ADCY5: variants seen among roughly 807,000 people sequenced by gnomAD.
ADCY5 encodes the protein adenylate cyclase type 5.
Under a neutral mutation model 119.7 loss-of-function variants are expected in ADCY5, and 30 were observed. The ratio of observed to expected loss-of-function variants is 0.25; its 90% CI spans 0.19 to 0.34. ADCY5 has a LOEUF of 0.34. ADCY5 is among the 10% of genes least tolerant of loss of function. The pLI is 1.00. For synonymous variants in ADCY5, 753 were observed against 762.2 expected, an observed-to-expected ratio of 0.99 and a Z score of 0.20; for missense variants, 1,324 against 1,775.2, an observed-to-expected ratio of 0.75 and a Z score of 4.57.
Position 123,319,796 on chromosome 3 carries a change from G to A in ADCY5, c.2134C>T (p.Pro712Ser), listed in dbSNP as rs776259193. The A allele has an allele frequency of 8.7e-6, 14 of 1,614,068 alleles. No individual in the cohort carries two copies. Among genetic ancestry groups the A allele is most frequent in the Non-Finnish European group, 1.1e-5 (13 of 1,180,024 alleles). The stretch of plus-strand genomic sequence containing the variant: ...AGAAACTCATCCACTTCATCCTCAG[G>A]GTTCGCACTCTCCTGGGCGTTCCTG... ...KDKNAQESAN[P>S]EDEVDEFLGR... Residue 712 changes from proline (P) to serine (S), a missense_variant, in exon 10 of 21, where the codon CCT becomes TCT. By Grantham distance (74) the Pro-to-Ser change is moderately conservative (BLOSUM62 -1). Coordinates refer to ENST00000462833, the MANE Select transcript of ADCY5 (RefSeq NM_183357.3).
At chr3:123,320,805 G>C (rs1941180750) in intron 8 of ADCY5, 34 bp from the exon 9 acceptor site, 1 of 1,518,646 alleles carries the variant, frequency 6.6e-7, no homozygotes, top group Non-Finnish European at 9.1e-7. Flanking sequence ...AAAGAGAAGA[G>C]AATGAGAACA....
intron 12 of ADCY5, among the ~76,000 whole-genome samples, chr3:123,309,222 G>C (rs1169076314): frequency 6.6e-6 from 1 of 152,188 alleles, no homozygotes; most frequent in East Asian, 1.9e-4. Flanking sequence ...AAAAGGAGGG[G>C]ATGAAATTGG....
chr3:123,411,047 T>C (rs1945031777), intron 1 of ADCY5, among the ~76,000 whole-genome samples: 1 of 152,166 alleles, frequency 6.6e-6, no homozygotes, highest in East Asian at 1.9e-4. Context: ...GCAGCAGCTA[T>C]ACCAAATCAC....
chr3:123,416,050 GT>G (rs896813379), intron 1 of ADCY5: 4 of 941,298 alleles, frequency 4.2e-6, no homozygotes, highest in Non-Finnish European at 6.1e-6. Context: ...CCAAGATAAA[GT>G]TCCCACCTAG....
chr3:123,309,041 A>G lies in ADCY5; in HGVS notation c.2443-4858T>C, dbSNP rs75731635. ...TAAGTTCAGAACTAGTACATTCCCA[A>G]TCTGATTAATTCAAATCAATTCAAC... On this transcript the variant is annotated intron_variant, in intron 12 of 20. Transcript: ENST00000462833. Among the ~76,000 whole-genome samples, 1,045 of 152,262 alleles carry G rather than the reference A, an allele frequency of 6.9e-3. 18 individuals are homozygous for G. Among genetic ancestry groups the G allele is most frequent in the African/African-American group, 0.024 (982 of 41,548 alleles).
intron 1 of ADCY5, among the ~76,000 whole-genome samples, chr3:123,414,189 A>C (rs1945130224): frequency 6.6e-6 from 1 of 152,246 alleles, no homozygotes. Flanking sequence ...AGTCCACCCC[A>C]GCCTTCTCTG....
At chr3:123,424,698 T>C (rs1388892942) in intron 1 of ADCY5, among the ~76,000 whole-genome samples, 1 of 152,152 alleles carries the variant, frequency 6.6e-6, no homozygotes, top group Non-Finnish European at 1.5e-5. Context: ...CTCCACCCCA[T>C]GTTCAGCCTG....
rs371474415 is a variant in ADCY5 at position 123,291,061 on chromosome 3, G to A, written c.3327+52C>T. Reference sequence around the variant, plus strand: ...CTCTTCACATCCCTCCCATACCAGGGACTTGTAGGCCCCTCCCAGGAACAC... The same window carrying A: ...CTCTTCACATCCCTCCCATACCAGGAACTTGTAGGCCCCTCCCAGGAACAC... On this transcript the variant is annotated intron_variant, in intron 18 of 20. Transcript: ENST00000462833. 9.5e-5 allele frequency: 148 copies of A among 1,564,700 alleles called. 1 individual carries two copies. In the East Asian group the frequency reaches 1.7e-3, roughly 18 times the overall value.
chr3:123,416,114 G>T, intron 1 of ADCY5: 1 of 1,514,928 alleles, frequency 6.6e-7, no homozygotes, highest in Non-Finnish European at 8.9e-7. Context: ...AGGTGGAAGG[G>T]CAAAGGAGAA....
Position 123,400,675 on chromosome 3 carries a change from G to T in ADCY5, c.1134+46737C>A, listed in dbSNP as rs369466159. Among the ~76,000 whole-genome samples the T allele has an allele frequency of 1.4e-4, 22 of 152,176 alleles. No individual in the cohort carries two copies. In the East Asian group the frequency reaches 1.9e-3, roughly 13 times the overall value. ...TAAAAAGCTGATATGGGCCAGGCAC[G>T]GTGGCTCACGCCTGTAATCCCAGCA... On this transcript the variant is annotated intron_variant, in intron 1 of 20. Coordinates refer to ENST00000462833, the MANE Select transcript of ADCY5 (RefSeq NM_183357.3).
intron 1 of ADCY5, among the ~76,000 whole-genome samples, chr3:123,424,694 C>T (rs1468068378): frequency 2.0e-5 from 3 of 152,206 alleles, no homozygotes; most frequent in African/African-American, 7.2e-5. Flanking sequence ...CCTTCTCCAC[C>T]CCATGTTCAG....
intron 14 of ADCY5, 127 bp downstream of exon 14, chr3:123,302,928 G>T: frequency 8.8e-7 from 1 of 1,133,306 alleles, no homozygotes; most frequent in South Asian, 1.5e-5. Flanking sequence ...ACTGGGGTAA[G>T]CAGGCCTCTA....
intron 1 of ADCY5, among the ~76,000 whole-genome samples, chr3:123,379,675 G>A (rs1040516728): frequency 6.6e-6 from 1 of 151,966 alleles, no homozygotes; most frequent in Non-Finnish European, 1.5e-5. Flanking sequence ...TGCACAGAGC[G>A]GGGGTGGGTG....
intron 1 of ADCY5, among the ~76,000 whole-genome samples, chr3:123,408,835 G>C (rs977964387): frequency 1.3e-5 from 2 of 151,302 alleles, no homozygotes; most frequent in African/African-American, 4.9e-5. Context: ...AATTAGCCAG[G>C]TGTGGTGGCA....
chr3:123,402,677 C>T (rs1193874702), intron 1 of ADCY5, among the ~76,000 whole-genome samples: 3 of 151,852 alleles, frequency 2.0e-5, no homozygotes, highest in Non-Finnish European at 4.4e-5. Flanking sequence ...GGTGAAACCC[C>T]GTCTCTACTA....
chr3:123,398,327 G>T (rs137947548), intron 1 of ADCY5, among the ~76,000 whole-genome samples: 1 of 152,096 alleles, frequency 6.6e-6, no homozygotes, highest in African/African-American at 2.4e-5. Flanking sequence ...GCCCCAACTC[G>T]AACCGGTCAC....
intron 1 of ADCY5, among the ~76,000 whole-genome samples, chr3:123,421,513 T>C (rs1945302694): frequency 1.3e-5 from 2 of 152,178 alleles, no homozygotes; most frequent in African/African-American, 2.4e-5. Flanking sequence ...ATCTAGTACC[T>C]GGGTGTGGTC....
rs181986858 is a variant in ADCY5, at chr3:123,430,870, G to A, written c.1134+16542C>T. ...CCTCCCAGAGCCCGGACCTGCAGCAGAAGGGTCCTTGCCCTTCTTGCCCTG... is the reference window on the plus strand; with the variant it reads ...CCTCCCAGAGCCCGGACCTGCAGCAAAAGGGTCCTTGCCCTTCTTGCCCTG... On this transcript the variant is annotated intron_variant, in intron 1 of 20. Transcript: ENST00000462833. Among the ~76,000 whole-genome samples the A allele has an allele frequency of 3.3e-5, 5 of 152,302 alleles. No individual in the cohort carries two copies. The East Asian group carries it at 9.7e-4, about 29-fold the overall frequency.
At chr3:123,397,601 C>T (rs968291311) in intron 1 of ADCY5, among the ~76,000 whole-genome samples, 1 of 152,040 alleles carries the variant, frequency 6.6e-6, no homozygotes, top group African/African-American at 2.4e-5. Context: ...CACACCACTG[C>T]ACTCCAGCCT....
Sources: gnomAD v4.1 joint callset for allele counts (sites outside exome capture counted in the v4.1 genomes callset) on GRCh38, gnomAD v4.1.1 for gene constraint, MANE v1.5 for transcripts, NCBI Gene and HGNC (gene_info 2026-07-23, HGNC 2026-07-21) for gene names.